Variants in MFSD11 observed in about 807,000 individuals in gnomAD.
The protein encoded by MFSD11 is UNC93-like protein MFSD11.
In MFSD11, 36 loss-of-function variants were observed where a neutral mutation model predicts 53.5. The observed-to-expected ratio is 0.67, with a 90% confidence interval of 0.52 to 0.89. The LOEUF (loss-of-function observed/expected upper bound fraction) is 0.89. Ranked by LOEUF, MFSD11 falls within the 40% of genes least tolerant of loss-of-function variation. MFSD11 has a pLI of 0.00. For missense variants in MFSD11, 530 were observed against 543.9 expected, an observed-to-expected ratio of 0.97 and a Z score of 0.25; for synonymous variants, 186 against 184.9, an observed-to-expected ratio of 1.01 and a Z score of -0.05.
chr17:76,782,238 C>T (rs1285093207), downstream of MFSD11, among the ~76,000 whole-genome samples: 2 of 151,512 alleles, frequency 1.3e-5, no homozygotes, highest in African/African-American at 4.9e-5. Flanking sequence ...TGCAATGGCG[C>T]GATCTCGGCT....
the MFSD11 span, among the ~76,000 whole-genome samples, chr17:76,802,446 A>G: frequency 6.6e-6 from 1 of 152,156 alleles, no homozygotes; most frequent in Admixed American, 6.6e-5. Context: ...CGACCATACA[A>G]CTCAGCAACT....
At chr17:76,753,687 C>CAAAAAAAAA (rs11393515) in intron 7 of MFSD11, among the ~76,000 whole-genome samples, 1 of 127,168 alleles carries the variant, frequency 7.9e-6, no homozygotes. Flanking sequence ...GACCCTGTCT[C>CAAAAAAAAA]AAAAAAAAAA....
chr17:76,779,993 C>G (rs1027996077), downstream of MFSD11, among the ~76,000 whole-genome samples: 3 of 152,140 alleles, frequency 2.0e-5, no homozygotes, highest in African/African-American at 7.2e-5. Context: ...CAGTGCAAGT[C>G]TATCATCCTG....
At chr17:76,762,308 A>G (rs1352630356) in intron 8 of MFSD11, among the ~76,000 whole-genome samples, 1 of 152,182 alleles carries the variant, frequency 6.6e-6, no homozygotes, top group African/African-American at 2.4e-5. Context: ...CCTATATTTT[A>G]TGTATTATGA....
the MFSD11 span, among the ~76,000 whole-genome samples, chr17:76,802,878 T>G: frequency 6.6e-6 from 1 of 152,176 alleles, no homozygotes; most frequent in Non-Finnish European, 1.5e-5. Flanking sequence ...AGAGCAGTCT[T>G]CACCCTTTTT....
chr17:76,765,763 T>C (rs1167355842), intron 8 of MFSD11, among the ~76,000 whole-genome samples: 2 of 152,104 alleles, frequency 1.3e-5, no homozygotes, highest in Non-Finnish European at 2.9e-5. Context: ...CCATGAATTT[T>C]AGGATCAATC....
intron 10 of MFSD11, among the ~76,000 whole-genome samples, chr17:76,770,514 C>T (rs535310825): frequency 1.3e-5 from 2 of 152,318 alleles, no homozygotes; most frequent in African/African-American, 4.8e-5. Flanking sequence ...GGGTGTCCAA[C>T]AGCTCAATCC....
At chr17:76,768,264 C>A (rs2081048900) in intron 9 of MFSD11, among the ~76,000 whole-genome samples, 1 of 146,102 alleles carries the variant, frequency 6.8e-6, no homozygotes, top group South Asian at 2.2e-4. Flanking sequence ...GATGGCACCA[C>A]TATACTCCAG....
chr17:76,736,793 G>C (rs1229872523), upstream of MFSD11: 4 of 1,542,826 alleles, frequency 2.6e-6, no homozygotes, highest in East Asian at 7.1e-5. Context: ...CCTCAGCCCC[G>C]TTTACCTGCG....
At chr17:76,759,756 C>CTT (rs1159131964) in intron 8 of MFSD11, among the ~76,000 whole-genome samples, 2,296 of 26,918 alleles carry the variant, frequency 0.085, 613 homozygotes, top group Non-Finnish European at 0.12. Context: ...CGTGACCGGC[C>CTT]TTTTTTTTTT....
In MFSD11 at chr17:76,776,060, C is replaced by T. The variant is rs528244528; in HGVS notation, c.1050-346C>T. On this transcript the variant is annotated intron_variant, in intron 11 of 12. Transcript: ENST00000685175. The surrounding 1 kb of genome is among the most constrained non-coding windows in gnomAD (Gnocchi z 4.2). Reference sequence around the variant, plus strand: ...GTGGCGTGATCTCCGCTCACTGCAACCTCCACCTCCGGGGTTCAAGTGATT... The same window carrying T: ...GTGGCGTGATCTCCGCTCACTGCAATCTCCACCTCCGGGGTTCAAGTGATT... Among the ~76,000 whole-genome samples, 22 of 152,328 alleles carry T rather than the reference C, an allele frequency of 1.4e-4. No homozygotes were observed. In the South Asian group the frequency reaches 4.4e-3, roughly 30 times the overall value.
At chr17:76,742,746 C>T (rs1455501417) in intron 5 of MFSD11, among the ~76,000 whole-genome samples, 1 of 152,094 alleles carries the variant, frequency 6.6e-6, no homozygotes, top group Non-Finnish European at 1.5e-5. Context: ...CCTTGTGATC[C>T]GCCCGCCTTG....
At chr17:76,738,112 G>C, upstream of MFSD11, 1 of 502,768 alleles carries the variant, frequency 2.0e-6, no homozygotes. Flanking sequence ...GCGCTTCTCC[G>C]GGGGTTGTGC....
At chr17:76,787,323 G>C in the MFSD11 span, among the ~76,000 whole-genome samples, 1 of 149,178 alleles carries the variant, frequency 6.7e-6, no homozygotes, top group Non-Finnish European at 1.5e-5. Context: ...TTTTAGTAGA[G>C]ACGGGGTTTC....
At chr17:76,769,900 A>G in intron 10 of MFSD11, 29 bp downstream of exon 10, 1 of 1,597,110 alleles carries the variant, frequency 6.3e-7, no homozygotes, top group Non-Finnish European at 8.5e-7. Context: ...CGTTTGCATT[A>G]AAAATATCAG....
intron 7 of MFSD11, among the ~76,000 whole-genome samples, chr17:76,747,629 G>A (rs1157117812): frequency 6.6e-6 from 1 of 152,110 alleles, no homozygotes; most frequent in Admixed American, 6.5e-5. Context: ...CACCGCGCCT[G>A]GCAAAACATT....
chr17:76,776,624 G>T lies in MFSD11; in HGVS notation c.1185+83G>T. ...CTTGTTTTCCTTGGTTACTTGTATT[G>T]TGGTTTTAATTTTTATTTATTTATT... is the stretch of plus-strand genomic sequence containing the variant. On this transcript the variant is annotated intron_variant, in intron 12 of 12. Transcript: ENST00000685175. The surrounding 1 kb of genome is among the most constrained non-coding windows in gnomAD (Gnocchi z 4.2). The T allele has an allele frequency of 2.3e-6, 3 of 1,297,098 alleles. No individual in the cohort carries two copies. The highest frequency in any genetic ancestry group is 2.1e-6 in the Non-Finnish European group (2 of 965,952). The allele number at this position is 1,297,098 out of a possible 1,614,324, so 80.3% of individuals were successfully genotyped here.
Position 76,744,380 on chromosome 17 carries a change from T to A in MFSD11, c.555T>A (p.Val185=), listed in dbSNP as rs771566399. The change falls in exon 7 of 13, where the codon GTT becomes GTA. Residue 185 remains valine (V), a synonymous_variant. Coordinates refer to ENST00000685175, the MANE Select transcript of MFSD11 (RefSeq NM_001242532.5). ...CGGTGATTAGCCTTGTGGGGACAGT[T>A]CTATTCTTTCTCATTCGGAAACCAG... ...ALTVISLVGT[V]LFFLIRKPDS... The A allele has an allele frequency of 6.2e-7, 1 of 1,614,102 alleles. No homozygotes were observed. The highest frequency in any genetic ancestry group is 2.2e-5 in the East Asian group (1 of 44,884).
In MFSD11 at chr17:76,769,832, G is replaced by T; in HGVS notation, c.835G>T (p.Gly279Ter). The change falls in exon 10 of 13, where the codon GGA becomes TGA. Residue 279 changes from glycine (G) to a stop codon, truncating the protein, a stop_gained. Transcript: ENST00000685175. LOFTEE classifies it high-confidence loss of function. ...KFGAEEKSLI[G>*]LSGIFIGIGE... The stretch of plus-strand genomic sequence containing the variant: ...TGGAGCAGAAGAGAAAAGCCTTATT[G>T]GACTTTCTGGCATTTTCATCGGCAT... The T allele has an allele frequency of 6.2e-7, 1 of 1,612,390 alleles. No individual in the cohort carries two copies. The highest frequency in any genetic ancestry group is 8.5e-7 in the Non-Finnish European group (1 of 1,179,610).
Sources: allele counts gnomAD v4.1 joint callset (sites outside exome capture counted in the v4.1 genomes callset), GRCh38; gene constraint gnomAD v4.1.1; non-coding constraint Gnocchi (gnomAD v3.1); transcripts MANE v1.5; gene names NCBI Gene and HGNC (gene_info 2026-07-23, HGNC 2026-07-21).